RASA2: variants seen among roughly 807,000 people sequenced by gnomAD.
The protein encoded by RASA2 is ras GTPase-activating protein 2.
A neutral mutation model predicts 118.2 loss-of-function variants in RASA2; 155 were observed. That is an observed-to-expected ratio of 1.31 (90% CI 1.15 to 1.50). The LOEUF is 1.50. Among genes scored for constraint, RASA2 ranks in the 40% most tolerant of loss-of-function variants. The pLI, the probability that RASA2 is intolerant of heterozygous loss-of-function variation, is 0.00. For synonymous variants in RASA2, 353 were observed against 349.1 expected, an observed-to-expected ratio of 1.01 and a Z score of -0.12; for missense variants, 1,016 against 1,009.6, an observed-to-expected ratio of 1.01 and a Z score of -0.09.
At chr3:141,589,025 G>A (rs1477848718) in intron 19 of RASA2, among the ~76,000 whole-genome samples, 1 of 151,820 alleles carries the variant, frequency 6.6e-6, no homozygotes, top group Non-Finnish European at 1.5e-5. Context: ...TATTTTTAGT[G>A]GAGACAGGGT....
intron 3 of RASA2, among the ~76,000 whole-genome samples, chr3:141,527,155 A>G (rs537912397): frequency 3.9e-5 from 6 of 152,342 alleles, no homozygotes; most frequent in African/African-American, 1.4e-4. Flanking sequence ...TGTCAAACCA[A>G]TAAACTCCTA....
chr3:141,556,186 C>T (rs1392763250), intron 7 of RASA2, among the ~76,000 whole-genome samples: 1 of 152,200 alleles, frequency 6.6e-6, no homozygotes, highest in East Asian at 1.9e-4. Context: ...TGCACCCTCC[C>T]TTACCCTACC....
In RASA2 at chr3:141,588,977, G is replaced by T. The variant is rs556540533; in HGVS notation, c.1933+2225G>T. 1.5e-3 allele frequency among the ~76,000 whole-genome samples: 229 copies of T among 152,106 alleles called. 1 individual carries two copies. The highest frequency in any genetic ancestry group is 5.4e-3 in the Admixed American group (83 of 15,270). ...CTGCCTCAGCCTCCCGAGTAGCTGGGATTACAGGCGCCCGCCACCACACCC... is the reference window on the plus strand; with the variant it reads ...CTGCCTCAGCCTCCCGAGTAGCTGGTATTACAGGCGCCCGCCACCACACCC... On this transcript the variant is annotated intron_variant, in intron 19 of 23. Transcript: ENST00000286364.
intron 19 of RASA2, among the ~76,000 whole-genome samples, chr3:141,594,529 GAAAC>G (rs2083337215): frequency 6.6e-6 from 1 of 151,902 alleles, no homozygotes; most frequent in Non-Finnish European, 1.5e-5. Context: ...TGCAAGCAGA[GAAAC>G]AAAAGACAAG....
At chr3:141,608,771 C>A in intron 21 of RASA2, 74 bp downstream of exon 21, 1 of 1,460,066 alleles carries the variant, frequency 6.8e-7, no homozygotes, top group Non-Finnish European at 9.5e-7. Context: ...ATTATTTGTC[C>A]ATGAAAAGGA....
rs112925407 is a variant in RASA2, at chr3:141,499,427, C to T, written c.133+12211C>T. Reference sequence around the variant, plus strand: ...ATATAGTTCAGGTTTTATAGCCACACACACACACACGAAAAAACAGTTCTT... The same window carrying T: ...ATATAGTTCAGGTTTTATAGCCACATACACACACACGAAAAAACAGTTCTT... On this transcript the variant is annotated intron_variant, in intron 1 of 23. Coordinates refer to ENST00000286364, the MANE Select transcript of RASA2 (RefSeq NM_006506.5). Among the ~76,000 whole-genome samples, 1,301 of 152,244 alleles carry T rather than the reference C, an allele frequency of 8.5e-3. 22 individuals are homozygous for T. Among genetic ancestry groups the T allele is most frequent in the African/African-American group, 0.025 (1,049 of 41,526 alleles).
At position 141,509,633 on chromosome 3, in the gene RASA2, G is replaced by A. The variant is rs539048610; in HGVS notation, c.134-2530G>A. Among the ~76,000 whole-genome samples, 39 of 152,250 alleles carry A rather than the reference G, an allele frequency of 2.6e-4. 1 individual carries two copies. Among genetic ancestry groups the A allele is most frequent in the Non-Finnish European group, 4.7e-4 (32 of 68,002 alleles). On this transcript the variant is annotated intron_variant, in intron 1 of 23. Coordinates refer to ENST00000286364, the MANE Select transcript of RASA2 (RefSeq NM_006506.5). ...AGTCTAAATTATGCAGAAGGGAGAC[G>A]TCAAAGAAAAAGGAGAGACTGAAGA...
chr3:141,584,598 C>T (rs1012902264), intron 17 of RASA2, among the ~76,000 whole-genome samples: 1 of 152,166 alleles, frequency 6.6e-6, no homozygotes, highest in Admixed American at 6.5e-5. Context: ...GAAATACCAT[C>T]TCTCAGAGCT....
intron 14 of RASA2, among the ~76,000 whole-genome samples, chr3:141,576,057 G>A (rs192491732): frequency 1.3e-5 from 2 of 152,166 alleles, no homozygotes; most frequent in African/African-American, 2.4e-5. Context: ...AATTACGGGC[G>A]TGGGCCACCG....
At chr3:141,491,473 T>G (rs1399783117) in intron 1 of RASA2, among the ~76,000 whole-genome samples, 1 of 152,198 alleles carries the variant, frequency 6.6e-6, no homozygotes, top group Non-Finnish European at 1.5e-5. Context: ...TTGTTCATTT[T>G]TAAAAAATCA....
intron 3 of RASA2, among the ~76,000 whole-genome samples, chr3:141,517,764 C>T (rs1282930119): frequency 1.3e-5 from 2 of 152,170 alleles, no homozygotes; most frequent in Non-Finnish European, 2.9e-5. Flanking sequence ...CGCCATTCTC[C>T]TGCCACAGCC....
intron 3 of RASA2, among the ~76,000 whole-genome samples, chr3:141,526,376 T>C (rs189188281): frequency 1.3e-5 from 2 of 152,028 alleles, no homozygotes; most frequent in Non-Finnish European, 2.9e-5. Flanking sequence ...ACTTGTTCCT[T>C]CTTTCCCCAT....
intron 19 of RASA2, among the ~76,000 whole-genome samples, chr3:141,595,328 G>A (rs531906643): frequency 1.3e-5 from 2 of 152,246 alleles, no homozygotes; most frequent in East Asian, 1.9e-4. Flanking sequence ...ATTTTAAAAA[G>A]CAAGATCCAA....
At chr3:141,535,466 T>TATA (rs2082314442) in intron 4 of RASA2, among the ~76,000 whole-genome samples, 1 of 152,250 alleles carries the variant, frequency 6.6e-6, no homozygotes, top group Non-Finnish European at 1.5e-5. Context: ...GAGAGGATTT[T>TATA]AAGTGCATGT....
At chr3:141,510,020 G>A (rs904824119) in intron 1 of RASA2, among the ~76,000 whole-genome samples, 2 of 152,018 alleles carry the variant, frequency 1.3e-5, no homozygotes, top group African/African-American at 4.8e-5. Flanking sequence ...TATTCCATTG[G>A]TTTTCTTATT....
At chr3:141,495,841 T>C (rs979584700) in intron 1 of RASA2, among the ~76,000 whole-genome samples, 1 of 152,218 alleles carries the variant, frequency 6.6e-6, no homozygotes, top group Non-Finnish European at 1.5e-5. Flanking sequence ...GGATAATATG[T>C]TCATACACGT....
intron 1 of RASA2, among the ~76,000 whole-genome samples, chr3:141,487,534 G>A (rs890917923): frequency 1.3e-5 from 2 of 151,890 alleles, no homozygotes; most frequent in Admixed American, 6.6e-5. Context: ...GCTGGAGTCC[G>A]GGGCGCGGCC....
In RASA2 at chr3:141,512,296, T is replaced by C. The variant is rs932778072; in HGVS notation, c.251+16T>C. On this transcript the variant is annotated intron_variant, in intron 2 of 23. Coordinates refer to ENST00000286364, the MANE Select transcript of RASA2 (RefSeq NM_006506.5). ...AATCTTTAAGGTTGGTAGAAAAAAT[T>C]GGTAAATTATAATTTTTACTATATA... 10 of 1,505,306 alleles carry C rather than the reference T, an allele frequency of 6.6e-6. No individual in the cohort carries two copies. Among genetic ancestry groups the C allele is most frequent in the Non-Finnish European group, 9.1e-6 (10 of 1,101,280 alleles). The allele number at this position is 1,505,306 out of a possible 1,614,324, so 93.2% of individuals were successfully genotyped here. A position where few individuals can be genotyped will look rare whatever the true frequency, so the allele number is the denominator to read the frequency against.
chr3:141,555,990 A>T (rs1220233743), intron 7 of RASA2, 78 bp downstream of exon 7: 8 of 1,101,722 alleles, frequency 7.3e-6, no homozygotes, highest in Non-Finnish European at 1.1e-5. Context: ...TTCAAACCAC[A>T]GTCATAGTAA....
Sources: gnomAD v4.1 joint callset for allele counts (sites outside exome capture counted in the v4.1 genomes callset) on GRCh38, gnomAD v4.1.1 for gene constraint, MANE v1.5 for transcripts, NCBI Gene and HGNC (gene_info 2026-07-23, HGNC 2026-07-21) for gene names.